Variants in TEAD1 observed in about 807,000 individuals in gnomAD.
TEAD1 encodes the protein TEA domain transcription factor 1, also known as transcriptional enhancer factor TEF-1.
In TEAD1, 9 loss-of-function variants were observed where a neutral mutation model predicts 54.9. That is an observed-to-expected ratio of 0.16 (90% CI 0.10 to 0.29). The LOEUF is 0.29. TEAD1 is among the 10% of genes least tolerant of loss of function. The pLI is 1.00. For synonymous variants in TEAD1, 200 were observed against 187.8 expected, an observed-to-expected ratio of 1.07 and a Z score of -0.53; for missense variants, 387 against 535.9, an observed-to-expected ratio of 0.72 and a Z score of 2.74.
At chr11:12,726,065 GGCACA>G (rs781731958) in intron 2 of TEAD1, among the ~76,000 whole-genome samples, 6 of 152,174 alleles carry the variant, frequency 3.9e-5, no homozygotes, top group Non-Finnish European at 7.3e-5. Context: ...GAATGAAACA[GGCACA>G]GTCCTGTCTT....
chr11:12,780,931 A>T (rs1455989016), intron 3 of TEAD1, among the ~76,000 whole-genome samples: 1 of 152,204 alleles, frequency 6.6e-6, no homozygotes. Context: ...GAGGACTCAC[A>T]CTTTGTGATT....
intron 3 of TEAD1, among the ~76,000 whole-genome samples, chr11:12,833,674 A>G (rs1458195192): frequency 1.3e-5 from 2 of 152,054 alleles, no homozygotes; most frequent in South Asian, 4.1e-4. Context: ...AAGTTTTCAT[A>G]TATAACAATT....
intron 2 of TEAD1, among the ~76,000 whole-genome samples, chr11:12,709,344 A>G (rs1943884527): frequency 7.2e-6 from 1 of 139,444 alleles, no homozygotes; most frequent in African/African-American, 3.3e-5. Flanking sequence ...TCTCAAAAAA[A>G]ATAAAAAAAA....
intron 2 of TEAD1, among the ~76,000 whole-genome samples, chr11:12,685,873 A>G (rs1943321966): frequency 1.3e-5 from 2 of 152,196 alleles, no homozygotes; most frequent in Non-Finnish European, 2.9e-5. Context: ...TGACTTAAGA[A>G]TGGGAGAAAA....
chr11:12,891,897 C>G (rs1241046318), intron 9 of TEAD1, among the ~76,000 whole-genome samples: 3 of 152,146 alleles, frequency 2.0e-5, no homozygotes, highest in Non-Finnish European at 4.4e-5. Flanking sequence ...ATGGCAGCCC[C>G]TCAGCCAGAA....
intron 2 of TEAD1, among the ~76,000 whole-genome samples, chr11:12,685,738 T>C (rs1943318386): frequency 6.6e-6 from 1 of 152,228 alleles, no homozygotes. Context: ...TAACCCATCC[T>C]TATGGATTGT....
rs184052694 is a variant in TEAD1, at chr11:12,697,541, A to G, written c.-55+21980A>G. Among the ~76,000 whole-genome samples, 6 of 152,358 alleles carry G rather than the reference A, an allele frequency of 3.9e-5. No homozygotes were observed. In the East Asian group the frequency reaches 1.2e-3, roughly 29 times the overall value. ...CCTACAAGTACATTAGCAGATGTAC[A>G]TACATGCAATATTAGTTTGTTGGCA... On this transcript the variant is annotated intron_variant, in intron 2 of 12. Coordinates refer to ENST00000527636, the MANE Select transcript of TEAD1 (RefSeq NM_021961.6).
At chr11:12,744,120 C>G (rs1411739905) in intron 2 of TEAD1, among the ~76,000 whole-genome samples, 1 of 152,166 alleles carries the variant, frequency 6.6e-6, no homozygotes, top group African/African-American at 2.4e-5. Flanking sequence ...AGATTATCCC[C>G]AAAGGCGTTT....
Position 12,929,005 on chromosome 11 carries a change from C to T in TEAD1, c.1015-1169C>T, listed in dbSNP as rs115805394. Among the ~76,000 whole-genome samples, 1,128 of 152,178 alleles carry T rather than the reference C, an allele frequency of 7.4e-3. 17 individuals are homozygous for T. The highest frequency in any genetic ancestry group is 0.026 in the African/African-American group (1,078 of 41,516). ...GAGATTTTATATCACTTGTGGCCTC[C>T]ACCTTTTTCAGTGGTAAATAGCTAA... On this transcript the variant is annotated intron_variant, in intron 11 of 12. Transcript: ENST00000527636.
At chr11:12,854,662 G>C (rs998197619) in intron 3 of TEAD1, among the ~76,000 whole-genome samples, 2 of 151,980 alleles carry the variant, frequency 1.3e-5, no homozygotes, top group East Asian at 3.9e-4. Flanking sequence ...TGTGATCTTG[G>C]CTCACTGCAT....
At chr11:12,915,147 G>A (rs1948687069) in intron 10 of TEAD1, among the ~76,000 whole-genome samples, 1 of 152,184 alleles carries the variant, frequency 6.6e-6, no homozygotes, top group African/African-American at 2.4e-5. Flanking sequence ...TCCACAGCCT[G>A]CTCCTGACCC....
At chr11:12,833,878 GC>G (rs1259473475) in intron 3 of TEAD1, among the ~76,000 whole-genome samples, 1 of 152,070 alleles carries the variant, frequency 6.6e-6, no homozygotes, top group Non-Finnish European at 1.5e-5. Flanking sequence ...CAAATTAGCT[GC>G]CCCCTCCTTG....
rs1947360767 is a variant in TEAD1, at chr11:12,855,588, AGGTTGTTGGCTT to A, written c.203-6661_203-6650del. On this transcript the variant is annotated intron_variant, in intron 3 of 12. Coordinates refer to ENST00000527636, the MANE Select transcript of TEAD1 (RefSeq NM_021961.6). ...CAGGCATGAGCCATTGCGCCTGACC[AGGTTGTTGGCTT>A]TCATATCCTAAAATATTTTTTTCCT... Among the ~76,000 whole-genome samples the A allele has an allele frequency of 2.7e-5, 4 of 150,726 alleles. No individual in the cohort carries two copies. In the South Asian group the frequency reaches 8.5e-4, roughly 32 times the overall value.
chr11:12,682,331 A>G (rs905466660), intron 2 of TEAD1, among the ~76,000 whole-genome samples: 1 of 152,190 alleles, frequency 6.6e-6, no homozygotes, highest in South Asian at 2.1e-4. Flanking sequence ...AACCAGAACC[A>G]CCTTCTCTGC....
chr11:12,717,264 A>C (rs1445871775), intron 2 of TEAD1, among the ~76,000 whole-genome samples: 1 of 152,080 alleles, frequency 6.6e-6, no homozygotes, highest in Non-Finnish European at 1.5e-5. Flanking sequence ...TGTGCTTGGT[A>C]TTGTGTGTTT....
chr11:12,840,622 T>A (rs541568410), intron 3 of TEAD1, among the ~76,000 whole-genome samples: 1 of 152,292 alleles, frequency 6.6e-6, no homozygotes, highest in South Asian at 2.1e-4. Flanking sequence ...AGTTTGGAAG[T>A]GCCGTCTATG....
intron 2 of TEAD1, among the ~76,000 whole-genome samples, chr11:12,686,220 G>A (rs1943331138): frequency 6.6e-6 from 1 of 152,152 alleles, no homozygotes; most frequent in Non-Finnish European, 1.5e-5. Flanking sequence ...AATTGTCAGG[G>A]AAACTGGCAG....
intron 3 of TEAD1, among the ~76,000 whole-genome samples, chr11:12,774,656 A>T (rs901662577): frequency 6.6e-6 from 1 of 152,226 alleles, no homozygotes; most frequent in Non-Finnish European, 1.5e-5. Context: ...CACCAGTAGA[A>T]TGGGGCTGGT....
rs1946664383 is a variant in TEAD1 at position 12,826,699 on chromosome 11, A to C, written c.203-35551A>C. On this transcript the variant is annotated intron_variant, in intron 3 of 12. Transcript: ENST00000527636. Reference sequence around the variant, plus strand: ...GAGATAAGAAAATTCCTTTTCTCTTAGTGTTGCTTTGAGCATCAAATGAAA... The same window carrying C: ...GAGATAAGAAAATTCCTTTTCTCTTCGTGTTGCTTTGAGCATCAAATGAAA... Among the ~76,000 whole-genome samples, 2 of 152,186 alleles carry C rather than the reference A, an allele frequency of 1.3e-5. 1 individual carries two copies. The highest frequency in any genetic ancestry group is 4.1e-4 in the South Asian group (2 of 4,830).
Sources: gnomAD v4.1 joint callset for allele counts (sites outside exome capture counted in the v4.1 genomes callset) on GRCh38, gnomAD v4.1.1 for gene constraint, MANE v1.5 for transcripts, NCBI Gene and HGNC (gene_info 2026-07-23, HGNC 2026-07-21) for gene names.